The following NLRP3 variants were observed in gnomAD, a reference collection of about 807,000 sequenced individuals.
The protein encoded by NLRP3 is NLR family pyrin domain containing 3, also known as NACHT, LRR and PYD domains-containing protein 3.
In NLRP3, 48 loss-of-function variants were observed where a neutral mutation model predicts 91.3. The observed-to-expected ratio is 0.53, with a 90% CI of 0.42 to 0.67. The LOEUF is 0.67. Ranked by LOEUF, NLRP3 falls within the 30% of genes least tolerant of loss-of-function variation. The pLI, the probability that NLRP3 is intolerant of heterozygous loss-of-function variation, is 0.00. For missense variants in NLRP3, 982 were observed against 1,276.9 expected (o/e 0.77, Z 3.52); for synonymous variants, 561 against 507.9 (o/e 1.10, Z -1.41).
At chr1:247,436,420 C>G (rs1014394906) in intron 7 of NLRP3, among the ~76,000 whole-genome samples, 3 of 152,206 alleles carry the variant, frequency 2.0e-5, no homozygotes, top group African/African-American at 7.2e-5. Flanking sequence ...AAACTTGCTT[C>G]CAAGACACTC....
chr1:247,439,445 T>C (rs1028000226), intron 7 of NLRP3, among the ~76,000 whole-genome samples: 10 of 152,228 alleles, frequency 6.6e-5, no homozygotes, highest in African/African-American at 2.4e-4. Context: ...TTCCTTGACC[T>C]GTAGATGCCT....
chr1:247,444,740 G>A lies in NLRP3; in HGVS notation c.2924G>A (p.Gly975Asp). 6.2e-7 allele frequency: 1 copy of A among 1,614,184 alleles called. No homozygotes were observed. The highest frequency in any genetic ancestry group is 8.5e-7 in the Non-Finnish European group (1 of 1,180,034). ...SSQSLRKLSL[G>D]NNDLGDLGVM... ...CAGAGCCTGCGAAAGCTGAGCCTGG[G>A]CAACAATGACCTGGGCGACCTGGGG... The change falls in exon 9 of 10, where the codon GGC becomes GAC. Residue 975 changes from glycine to aspartate, a missense_variant. Transcript: ENST00000336119.
chr1:247,420,150 G>A (rs7537426), intron 2 of NLRP3, among the ~76,000 whole-genome samples: 17,711 of 151,912 alleles, frequency 0.12, 1,501 homozygotes, highest in African/African-American at 0.24. Flanking sequence ...TTTGATTTCC[G>A]TTTCCCTAAT....
Position 247,425,876 on chromosome 1 carries a change from A to G in NLRP3, c.2150+277A>G. ...TTAAGTAGGATGTAGGATTGCCTAC[A>G]AATATTTGTCAACTGAAATTTCTTG... is the stretch of plus-strand genomic sequence containing the variant. On this transcript the variant is annotated intron_variant, in intron 4 of 9. Transcript: ENST00000336119. The surrounding 1 kb of genome is among the most constrained non-coding windows in gnomAD (Gnocchi z 4.1). 2.2e-6 allele frequency: 1 copy of G among 462,438 alleles called. No individual in the cohort carries two copies. The highest frequency in any genetic ancestry group is 2.2e-5 in the South Asian group (1 of 45,858). 28.6% of individuals were successfully genotyped at this position (462,438 alleles called of 1,614,324 possible).
intron 5 of NLRP3, among the ~76,000 whole-genome samples, chr1:247,433,359 C>T (rs929513092): frequency 5.3e-5 from 8 of 152,150 alleles, no homozygotes; most frequent in Non-Finnish European, 1.0e-4. Context: ...AGGGCAGTGC[C>T]GACTGCGGGC....
chr1:247,421,989 ACT>A (rs1662490831), intron 2 of NLRP3, among the ~76,000 whole-genome samples: 1 of 151,698 alleles, frequency 6.6e-6, no homozygotes, highest in Non-Finnish European at 1.5e-5. Context: ...ACAAAGCAAG[ACT>A]CTGTCTCTTA....
rs988439763 is a variant in NLRP3, at chr1:247,448,649, C to G, written c.*145C>G. 1.4e-6 allele frequency: 1 copy of G among 700,246 alleles called. No homozygotes were observed. Among genetic ancestry groups the G allele is most frequent in the Non-Finnish European group, 2.6e-6 (1 of 379,704 alleles). 43.4% of individuals were successfully genotyped at this position (700,246 alleles called of 1,614,324 possible). ...AGTGTCGGAGAAGAGAGCTTGCCGA[C>G]GATGCCTTCCTGTGCAGAGCTTGGG... On this transcript the variant is annotated 3_prime_UTR_variant, in exon 10 of 10. Transcript: ENST00000336119.
chr1:247,447,166 C>G (rs1316347912), intron 9 of NLRP3, among the ~76,000 whole-genome samples: 2 of 152,190 alleles, frequency 1.3e-5, no homozygotes, highest in Non-Finnish European at 2.9e-5. Context: ...TCTCACAATA[C>G]TGGAGGCTAG....
intron 7 of NLRP3, among the ~76,000 whole-genome samples, chr1:247,441,942 A>T (rs1664269374): frequency 6.6e-6 from 1 of 152,250 alleles, no homozygotes; most frequent in Admixed American, 6.5e-5. Context: ...TACATAATTT[A>T]AAAAATATTT....
intron 7 of NLRP3, among the ~76,000 whole-genome samples, chr1:247,441,378 C>A (rs1045121687): frequency 6.6e-6 from 1 of 151,986 alleles, no homozygotes; most frequent in Admixed American, 6.5e-5. Flanking sequence ...CTAGCTAGGA[C>A]TACAGGTGTG....
In NLRP3 at chr1:247,423,443, A is replaced by C. The variant is rs1662618489; in HGVS notation, c.397+94A>C. ...CAGCTGGGTAACTTGGCCATACTATAGGTTCCTGCTCTTTGGAATGCAAAG... is the reference window on the plus strand; with the variant it reads ...CAGCTGGGTAACTTGGCCATACTATCGGTTCCTGCTCTTTGGAATGCAAAG... On this transcript the variant is annotated intron_variant, in intron 3 of 9. Coordinates refer to ENST00000336119, the MANE Select transcript of NLRP3 (RefSeq NM_001243133.2). 4 of 1,437,008 alleles carry C rather than the reference A, an allele frequency of 2.8e-6. No homozygotes were observed. The Admixed American group carries it at 6.7e-5, about 24-fold the overall frequency. 89.0% of individuals were successfully genotyped at this position (1,437,008 alleles called of 1,614,324 possible).
At chr1:247,444,505 T>C in intron 8 of NLRP3, 146 bp from the exon 9 acceptor site, 1 of 801,964 alleles carries the variant, frequency 1.2e-6, no homozygotes, top group Non-Finnish European at 2.1e-6. Context: ...ATTACCAGCA[T>C]ACAAGGCTGC....
At position 247,425,280 on chromosome 1, in the gene NLRP3, G is replaced by A; in HGVS notation, c.1831G>A (p.Glu611Lys). The A allele has an allele frequency of 6.2e-7, 1 of 1,614,228 alleles. No homozygotes were observed. The highest frequency in any genetic ancestry group is 8.5e-7 in the Non-Finnish European group (1 of 1,180,042). ...CAGGCTGGAGCTGCTGAAATGGATTGAAGTGAAAGCCAAAGCTAAAAAGCT... is the reference window on the plus strand; with the variant it reads ...CAGGCTGGAGCTGCTGAAATGGATTAAAGTGAAAGCCAAAGCTAAAAAGCT... ...QIRLELLKWI[E>K]VKAKAKKLQI... Residue 611 changes from glutamate to lysine, a missense_variant, in exon 4 of 10, where the codon GAA becomes AAA. By Grantham distance (56) the Glu-to-Lys change is moderately conservative. Transcript: ENST00000336119. This position sits in a 1 kb window ranked among gnomAD's most constrained non-coding sequence, Gnocchi z 4.1.
At chr1:247,430,828 G>T (rs1031965670) in intron 5 of NLRP3, among the ~76,000 whole-genome samples, 7 of 151,100 alleles carry the variant, frequency 4.6e-5, no homozygotes, top group African/African-American at 1.7e-4. Context: ...GCTGGAGTGT[G>T]TGATCACAGC....
intron 5 of NLRP3, among the ~76,000 whole-genome samples, chr1:247,432,108 C>T (rs1349456449): frequency 2.0e-5 from 3 of 152,340 alleles, no homozygotes; most frequent in African/African-American, 7.2e-5. Flanking sequence ...TGGTCTCAAA[C>T]TCCTGACCTC....
rs199768380 is a variant in NLRP3 at position 247,418,492 on chromosome 1, C to A, written c.-309C>A. ...CATTTTTGTACTTTTAGTAGAGACA[C>A]AGTTTTGCCATGTTGGCCAGGCTGG... is the stretch of plus-strand genomic sequence containing the variant. On this transcript the variant is annotated 5_prime_UTR_variant, in exon 2 of 10. Coordinates refer to ENST00000336119, the MANE Select transcript of NLRP3 (RefSeq NM_001243133.2). 1.1e-4 allele frequency: 43 copies of A among 379,560 alleles called. No homozygotes were observed. The highest frequency in any genetic ancestry group is 2.0e-4 in the Non-Finnish European group (40 of 198,394). 23.5% of individuals were successfully genotyped at this position (379,560 alleles called of 1,614,324 possible).
intron 5 of NLRP3, among the ~76,000 whole-genome samples, chr1:247,432,340 A>C (rs1283337147): frequency 6.9e-6 from 1 of 143,922 alleles, no homozygotes; most frequent in Non-Finnish European, 1.5e-5. Context: ...TGTAAGTGAG[A>C]ACGTGTGGTA....
intron 9 of NLRP3, among the ~76,000 whole-genome samples, chr1:247,447,303 G>C (rs1013573122): frequency 1.4e-4 from 22 of 152,150 alleles, no homozygotes; most frequent in African/African-American, 4.8e-4. Flanking sequence ...GAAGACAGGG[G>C]AGAAAGAACA....
intron 7 of NLRP3, among the ~76,000 whole-genome samples, chr1:247,439,139 C>G (rs1449465218): frequency 6.6e-6 from 1 of 152,082 alleles, no homozygotes; most frequent in Non-Finnish European, 1.5e-5. Flanking sequence ...CCTGTATATG[C>G]TGATCTGGGT....
Sources: allele counts gnomAD v4.1 joint callset (sites outside exome capture counted in the v4.1 genomes callset), GRCh38; gene constraint gnomAD v4.1.1; non-coding constraint Gnocchi (gnomAD v3.1); transcripts MANE v1.5; gene names NCBI Gene and HGNC (gene_info 2026-07-23, HGNC 2026-07-21).